YBX3: variants seen among roughly 807,000 people sequenced by gnomAD.
The protein encoded by YBX3 is Y-box binding protein 3.
A neutral mutation model predicts 42.4 loss-of-function variants in YBX3; 29 were observed. The observed-to-expected ratio is 0.68, with a 90% CI of 0.51 to 0.93. YBX3 has a LOEUF of 0.93. Ranked by LOEUF, YBX3 falls within the 40% of genes least tolerant of loss-of-function variation. YBX3 has a pLI of 0.00. For missense variants in YBX3, 517 were observed against 527.5 expected, an observed-to-expected ratio of 0.98 and a Z score of 0.19; for synonymous variants, 195 against 189.8, an observed-to-expected ratio of 1.03 and a Z score of -0.22.
At chr12:10,721,985 C>G (rs895444700) in intron 1 of YBX3, 14 of 152,312 alleles carry the variant, frequency 9.2e-5, no homozygotes, top group African/African-American at 3.1e-4. Context: ...CACTGCCCCC[C>G]CAAATCTCAA....
chr12:10,722,685 G>GCTGGGGACCCGGAGACCC (rs566030274), intron 1 of YBX3, among the ~76,000 whole-genome samples, 165 bp downstream of exon 1: 6 of 152,134 alleles, frequency 3.9e-5, no homozygotes, highest in Non-Finnish European at 1.5e-5. Context: ...GGCGGCCAGC[G>GCTGGGGACCCGGAGACCC]CTGGGGACCC....
chr12:10,721,713 C>A (rs1948327308), intron 1 of YBX3, among the ~76,000 whole-genome samples: 1 of 152,198 alleles, frequency 6.6e-6, no homozygotes, highest in Non-Finnish European at 1.5e-5. Flanking sequence ...CCTCAACTTT[C>A]TTCCCAAAGG....
chr12:10,710,635 T>C (rs1948189925), intron 5 of YBX3: 17 of 1,189,736 alleles, frequency 1.4e-5, no homozygotes, highest in Admixed American at 2.4e-5. Flanking sequence ...TGCCATAATA[T>C]TACTAAGATG....
intron 6 of YBX3, among the ~76,000 whole-genome samples, chr12:10,705,284 G>T (rs1441114171): frequency 6.6e-6 from 1 of 152,058 alleles, no homozygotes; most frequent in Non-Finnish European, 1.5e-5. Flanking sequence ...TAGTACAGAC[G>T]GGGTTTCATC....
intron 6 of YBX3, among the ~76,000 whole-genome samples, chr12:10,709,465 T>C (rs1051130837): frequency 2.6e-5 from 4 of 152,232 alleles, no homozygotes; most frequent in Non-Finnish European, 4.4e-5. Flanking sequence ...TGCTAAATCC[T>C]TTATATTTAA....
rs751363775 is a variant in YBX3, at chr12:10,710,128, GAA to G, written c.574-16_574-15del. ...CTCCCCAGCGTACTAGCGAAGCAAA[GAA>G]ACAGAGATTCAGAAGAAGTTTTAGC... On this transcript the variant is annotated splice_polypyrimidine_tract_variant and intron_variant, in intron 5 of 9. Transcript: ENST00000228251. 5 of 1,610,714 alleles carry G rather than the reference GAA, an allele frequency of 3.1e-6. No individual in the cohort carries two copies. In the Admixed American group the frequency reaches 8.4e-5, roughly 27 times the overall value.
At chr12:10,706,679 T>G (rs1321794320) in intron 6 of YBX3, among the ~76,000 whole-genome samples, 1 of 152,162 alleles carries the variant, frequency 6.6e-6, no homozygotes, top group Non-Finnish European at 1.5e-5. Context: ...ACTCACTTTA[T>G]AGTTAATATC....
chr12:10,713,046 C>T (rs1469359893), intron 5 of YBX3, 165 bp downstream of exon 5: 5 of 952,410 alleles, frequency 5.2e-6, no homozygotes, highest in Non-Finnish European at 7.4e-6. Context: ...CAATAATACA[C>T]ATTTTAAAAA....
At chr12:10,717,304 T>C (rs1948273670) in intron 3 of YBX3, among the ~76,000 whole-genome samples, 1 of 152,252 alleles carries the variant, frequency 6.6e-6, no homozygotes, top group African/African-American at 2.4e-5. Flanking sequence ...TAGTACCTGC[T>C]GCTCTATCTT....
At chr12:10,717,497 T>C (rs1019299651) in intron 3 of YBX3, among the ~76,000 whole-genome samples, 2 of 152,204 alleles carry the variant, frequency 1.3e-5, no homozygotes, top group East Asian at 3.8e-4. Flanking sequence ...GAGGCACCTA[T>C]AGCAGAGAAG....
At chr12:10,704,920 C>A (rs545282475) in intron 6 of YBX3, among the ~76,000 whole-genome samples, 40 of 152,290 alleles carry the variant, frequency 2.6e-4, no homozygotes, top group Admixed American at 7.8e-4. Flanking sequence ...AAATAGCACC[C>A]ATCCTTTTCA....
In YBX3 at chr12:10,710,582, G is replaced by A. The variant is rs114266471; in HGVS notation, c.574-468C>T. ...TCCTACAAGTCTGTAAAGTGTGGAT[G>A]GGATTTCTGAAAACTTCCAGGGGGT... On this transcript the variant is annotated intron_variant, in intron 5 of 9. Transcript: ENST00000228251. The A allele has an allele frequency of 1.1e-3, 1,331 of 1,253,394 alleles. 13 individuals are homozygous for A. The African/African-American group carries it at 0.019, about 18-fold the overall frequency. 77.6% of individuals were successfully genotyped at this position (1,253,394 alleles called of 1,614,324 possible). A position where few individuals can be genotyped will look rare whatever the true frequency, so the allele number is the denominator to read the frequency against.
intron 5 of YBX3, chr12:10,712,500 T>C (rs1447465410): frequency 6.6e-6 from 1 of 152,180 alleles, no homozygotes; most frequent in Non-Finnish European, 1.5e-5. Flanking sequence ...AATGGAAAAA[T>C]GCTATGCTAA....
In YBX3 at chr12:10,719,116, C is replaced by T; in HGVS notation, c.290G>A (p.Trp97Ter). The change falls in exon 2 of 10, where the codon TGG (tryptophan) becomes TAG (stop). Residue 97 changes from tryptophan (W) to a stop codon, truncating the protein, a stop_gained. Transcript: ENST00000228251. LOFTEE classifies it high-confidence loss of function. ...LATKVLGTVKWFNVRNGYGFI... is the reference protein window; with the variant it reads ...LATKVLGTVK ...TCCATATCCATTTCTGACGTTGAAC[C>T]ATTTGACAGTGCCAAGGACTTTGGT... The T allele has an allele frequency of 1.2e-6, 2 of 1,613,560 alleles. No individual in the cohort carries two copies. Among genetic ancestry groups the T allele is most frequent in the Admixed American group, 1.7e-5 (1 of 59,972 alleles).
chr12:10,711,722 T>C (rs1356152855), intron 5 of YBX3: 4 of 152,252 alleles, frequency 2.6e-5, no homozygotes, highest in Non-Finnish European at 5.9e-5. Flanking sequence ...CATTTATGTA[T>C]ACTTTAAGAG....
At chr12:10,700,024 T>C (rs1029157590) in intron 9 of YBX3, among the ~76,000 whole-genome samples, 5 of 152,178 alleles carry the variant, frequency 3.3e-5, no homozygotes, top group African/African-American at 1.2e-4. Flanking sequence ...CTGTAAATTG[T>C]AAAAATATTT....
intron 6 of YBX3, chr12:10,704,379 C>T: frequency 5.3e-6 from 2 of 380,376 alleles, no homozygotes; most frequent in Non-Finnish European, 9.3e-6. Context: ...CCCAGAGCAC[C>T]TAACTTTATT....
intron 9 of YBX3, 64 bp from the exon 10 acceptor site, chr12:10,699,718 A>G (rs1345808411): frequency 6.6e-6 from 1 of 152,648 alleles, no homozygotes; most frequent in African/African-American, 2.4e-5. Context: ...AAGAATAAAA[A>G]GGCAGAAATT....
chr12:10,704,338 C>G, intron 6 of YBX3, 190 bp from the exon 7 acceptor site: 1 of 521,516 alleles, frequency 1.9e-6, no homozygotes, highest in Non-Finnish European at 3.4e-6. Flanking sequence ...GAAGACAAAC[C>G]TAGTCTGACT....
Sources: allele counts gnomAD v4.1 joint callset (sites outside exome capture counted in the v4.1 genomes callset), GRCh38; gene constraint gnomAD v4.1.1; transcripts MANE v1.5; gene names NCBI Gene and HGNC (gene_info 2026-07-23, HGNC 2026-07-21).